RNF157: variants seen among roughly 807,000 people sequenced by gnomAD.
RNF157 encodes E3 ubiquitin ligase RNF157.
A neutral mutation model predicts 88.3 loss-of-function variants in RNF157; 55 were observed. That is an observed-to-expected ratio of 0.62 (90% CI 0.50 to 0.78). The LOEUF is 0.78. RNF157 is among the 30% of genes least tolerant of loss of function. The pLI is 0.00. For missense variants in RNF157, 788 were observed against 860.8 expected (o/e 0.92, Z 1.06); for synonymous variants, 334 against 341.2 (o/e 0.98, Z 0.23).
intron 2 of RNF157, among the ~76,000 whole-genome samples, chr17:76,206,790 A>G (rs748371984): frequency 6.6e-6 from 1 of 152,194 alleles, no homozygotes. Context: ...ACAAACAAAG[A>G]AAACAGTGAA....
chr17:76,156,947 C>G (rs1411574871), intron 13 of RNF157, among the ~76,000 whole-genome samples: 2 of 152,056 alleles, frequency 1.3e-5, no homozygotes, highest in Non-Finnish European at 2.9e-5. Context: ...TTAGTTCACG[C>G]AGTCCTTCTT....
At chr17:76,165,275 CCTTT>C (rs542580721) in intron 7 of RNF157, among the ~76,000 whole-genome samples, 240 of 152,186 alleles carry the variant, frequency 1.6e-3, no homozygotes, top group African/African-American at 5.5e-3. Flanking sequence ...TCCAGTCTAG[CCTTT>C]CTTTCTTTTA....
intron 2 of RNF157, among the ~76,000 whole-genome samples, chr17:76,191,913 T>A (rs1418542867): frequency 6.6e-6 from 1 of 152,224 alleles, no homozygotes; most frequent in Non-Finnish European, 1.5e-5. Context: ...TTACGTGTAA[T>A]CAACTGTTAA....
chr17:76,216,786 T>C (rs1007185921), intron 1 of RNF157, among the ~76,000 whole-genome samples: 4 of 144,052 alleles, frequency 2.8e-5, no homozygotes, highest in Non-Finnish European at 4.6e-5. Flanking sequence ...AGCTACTCAA[T>C]AGGCTGAGGT....
intron 1 of RNF157, among the ~76,000 whole-genome samples, chr17:76,232,613 A>G (rs1411765883): frequency 6.6e-6 from 1 of 152,202 alleles, no homozygotes; most frequent in Non-Finnish European, 1.5e-5. Flanking sequence ...ACAGATTCAT[A>G]GGAGTGGAAC....
At chr17:76,178,467 T>C (rs2069139189) in intron 2 of RNF157, among the ~76,000 whole-genome samples, 1 of 152,246 alleles carries the variant, frequency 6.6e-6, no homozygotes, top group African/African-American at 2.4e-5. Flanking sequence ...TGCTGCTCCA[T>C]GCCTGACTTG....
intron 1 of RNF157, among the ~76,000 whole-genome samples, chr17:76,234,094 C>T (rs1163695334): frequency 6.6e-6 from 1 of 152,178 alleles, no homozygotes; most frequent in East Asian, 1.9e-4. Context: ...TGTGGATTTG[C>T]CTCTTCTGGG....
chr17:76,175,827 G>C (rs576058615), intron 2 of RNF157: 15 of 977,486 alleles, frequency 1.5e-5, no homozygotes, highest in Non-Finnish European at 1.8e-5. Context: ...CCGCAAAAGA[G>C]AGAAAAATAA....
rs1322003812 is a variant in RNF157 at position 76,240,223 on chromosome 17, G to C, written c.18C>G (p.Ser6Arg). Residue 6 changes from serine to arginine, a missense_variant, in exon 1 of 19, where the codon AGC (serine) becomes AGG (arginine). Transcript: ENST00000269391. The surrounding 1 kb of genome is among the most constrained non-coding windows in gnomAD (Gnocchi z 4.4). Reference protein sequence around the residue: MGALTSRQHAGVEEVD... With the variant: MGALTRRQHAGVEEVD... ...CCTCCTCCACGCCCGCGTGCTGCCG[G>C]CTCGTCAGGGCCCCCATGGCCGCTG... 15 of 1,377,572 alleles carry C rather than the reference G, an allele frequency of 1.1e-5. No individual in the cohort carries two copies. Among genetic ancestry groups the C allele is most frequent in the African/African-American group, 1.5e-5 (1 of 67,650 alleles). 85.3% of individuals were successfully genotyped at this position (1,377,572 alleles called of 1,614,324 possible).
At position 76,145,336 on chromosome 17, in the gene RNF157, C is replaced by T. The variant is rs1175647572; in HGVS notation, c.1939G>A (p.Asp647Asn). 1 of 1,612,556 alleles carries T rather than the reference C, an allele frequency of 6.2e-7. No individual in the cohort carries two copies. Among genetic ancestry groups the T allele is most frequent in the Non-Finnish European group, 8.5e-7 (1 of 1,179,446 alleles). Reference sequence around the variant, plus strand: ...TGGGCATTCCGACTGACGGCATTGTCATCAGCCTGCCAGGCACCTGGGGAA... The same window carrying T: ...TGGGCATTCCGACTGACGGCATTGTTATCAGCCTGCCAGGCACCTGGGGAA... Reference protein sequence around the residue: ...VCLPGAWQADDNAVSRNAQRR... With the variant: ...VCLPGAWQADNNAVSRNAQRR... The change falls in exon 19 of 19, where the codon GAC becomes AAC. Residue 647 changes from aspartate (D) to asparagine (N), a missense_variant. Asp to Asn is a conservative substitution (Grantham distance 23). Coordinates refer to ENST00000269391, the MANE Select transcript of RNF157 (RefSeq NM_052916.3).
intron 2 of RNF157, among the ~76,000 whole-genome samples, chr17:76,208,795 A>T (rs2069725460): frequency 6.6e-6 from 1 of 152,064 alleles, no homozygotes; most frequent in South Asian, 2.1e-4. Context: ...AACATGGTGA[A>T]ACCCCATCTC....
At chr17:76,171,911 C>A (rs1598402262) in intron 3 of RNF157, among the ~76,000 whole-genome samples, 1 of 152,190 alleles carries the variant, frequency 6.6e-6, no homozygotes, top group South Asian at 2.1e-4. Context: ...GCAGCTCAGG[C>A]CCTTGAATGG....
rs2068593591 is a variant in RNF157 at position 76,146,870 on chromosome 17, G to C, written c.1922-1517C>G. On this transcript the variant is annotated intron_variant, in intron 18 of 18. Coordinates refer to ENST00000269391, the MANE Select transcript of RNF157 (RefSeq NM_052916.3). This position sits in a 1 kb window ranked among gnomAD's most constrained non-coding sequence, Gnocchi z 4.2. ...AGGTTGAGAGAGGCCACTCACAAGT[G>C]TCCAGGGTCAGCCTCAGGCCAGCCC... The C allele has an allele frequency of 1.0e-6, 1 of 985,340 alleles. No homozygotes were observed. The highest frequency in any genetic ancestry group is 6.1e-5 in the Admixed American group (1 of 16,272). The allele number at this position is 985,340 out of a possible 1,614,324, so 61.0% of individuals were successfully genotyped here.
chr17:76,238,716 T>G (rs1368140916), intron 1 of RNF157, among the ~76,000 whole-genome samples: 1 of 152,216 alleles, frequency 6.6e-6, no homozygotes, highest in Non-Finnish European at 1.5e-5. Context: ...CTGCATATTT[T>G]TGTCTATTTT....
At chr17:76,212,298 T>G (rs1231523225) in intron 2 of RNF157, 66 bp downstream of exon 2, 2 of 1,157,982 alleles carry the variant, frequency 1.7e-6, no homozygotes, top group East Asian at 4.7e-5. Context: ...TGCAAACTTA[T>G]TTTTGTTACA....
intron 1 of RNF157, among the ~76,000 whole-genome samples, chr17:76,213,716 G>C (rs928703163): frequency 6.6e-6 from 1 of 152,110 alleles, no homozygotes; most frequent in African/African-American, 2.4e-5. Flanking sequence ...GGCAGGATTA[G>C]AGGGTGGGGA....
At chr17:76,189,399 G>T (rs187674937) in intron 2 of RNF157, among the ~76,000 whole-genome samples, 1 of 152,310 alleles carries the variant, frequency 6.6e-6, no homozygotes, top group East Asian at 1.9e-4. Flanking sequence ...ATGAGCAGAA[G>T]GCGTGGGTCT....
intron 17 of RNF157, 76 bp downstream of exon 17, chr17:76,154,207 C>G: frequency 9.5e-7 from 1 of 1,056,944 alleles, no homozygotes; most frequent in Non-Finnish European, 1.5e-6. Flanking sequence ...ATACCGGTAC[C>G]CTTTTCTTTA....
intron 2 of RNF157, among the ~76,000 whole-genome samples, chr17:76,185,411 A>G (rs1406359799): frequency 6.6e-6 from 1 of 152,176 alleles, no homozygotes; most frequent in Non-Finnish European, 1.5e-5. Context: ...TAAAGCAGAC[A>G]CAGTCATCTT....
Sources: gnomAD v4.1 joint callset for allele counts (sites outside exome capture counted in the v4.1 genomes callset) on GRCh38, gnomAD v4.1.1 for gene constraint, Gnocchi (gnomAD v3.1) non-coding constraint, MANE v1.5 for transcripts, NCBI Gene and HGNC (gene_info 2026-07-23, HGNC 2026-07-21) for gene names.